Variants in CHD9 observed in about 807,000 individuals in gnomAD.
The protein encoded by CHD9 is ATP-dependent chromatin remodeler CHD9.
Under a neutral mutation model 316.1 loss-of-function variants are expected in CHD9, and 77 were observed. That is an observed-to-expected ratio of 0.24 (90% CI 0.20 to 0.29). CHD9 has a LOEUF of 0.29. Ranked by LOEUF, CHD9 falls within the 10% of genes least tolerant of loss-of-function variation. The pLI is 1.00. For synonymous variants in CHD9, 1,129 were observed against 1,158.3 expected, an observed-to-expected ratio of 0.97 and a Z score of 0.51; for missense variants, 2,763 against 3,438.1, an observed-to-expected ratio of 0.80 and a Z score of 4.91.
chr16:53,093,111 G>A (rs1409647428), intron 1 of CHD9, among the ~76,000 whole-genome samples: 1 of 152,202 alleles, frequency 6.6e-6, no homozygotes, highest in Non-Finnish European at 1.5e-5. Context: ...TTCTTGAAGA[G>A]TGAGAAAGAT....
intron 1 of CHD9, among the ~76,000 whole-genome samples, chr16:53,116,511 G>A (rs759971764): frequency 1.3e-4 from 20 of 152,150 alleles, no homozygotes; most frequent in African/African-American, 3.6e-4. Context: ...AATAATTATT[G>A]ATTATAAGGA....
At chr16:53,136,071 A>G (rs929881880) in intron 1 of CHD9, among the ~76,000 whole-genome samples, 6 of 152,090 alleles carry the variant, frequency 3.9e-5, no homozygotes, top group Admixed American at 6.6e-5. Context: ...TTCTCATTTA[A>G]TGGTGCTTAT....
intron 24 of CHD9, among the ~76,000 whole-genome samples, chr16:53,283,714 T>C (rs1486490418): frequency 6.6e-6 from 1 of 152,244 alleles, no homozygotes; most frequent in Non-Finnish European, 1.5e-5. Context: ...ACTTTTTCCA[T>C]ATTACAAGAA....
chr16:53,297,537 A>C (rs1273010714), intron 30 of CHD9, among the ~76,000 whole-genome samples: 1 of 152,194 alleles, frequency 6.6e-6, no homozygotes, highest in Non-Finnish European at 1.5e-5. Context: ...CAAGGAATGA[A>C]GCCCCCACTC....
intron 1 of CHD9, among the ~76,000 whole-genome samples, chr16:53,094,570 T>C (rs537743802): frequency 1.8e-4 from 27 of 151,998 alleles, no homozygotes; most frequent in Middle Eastern, 3.5e-3. Context: ...CTGCTTTATT[T>C]CCCGTCTCTC....
At position 53,325,894 on chromosome 16, in the gene CHD9, T is replaced by G. The variant is rs1199228211; in HGVS notation, c.*999T>G. 1 of 152,534 alleles carries G rather than the reference T, an allele frequency of 6.6e-6. No homozygotes were observed. Among genetic ancestry groups the G allele is most frequent in the Non-Finnish European group, 1.5e-5 (1 of 67,960 alleles). The allele number at this position is 152,534 out of a possible 1,614,324, so 9.4% of individuals were successfully genotyped here. On this transcript the variant is annotated 3_prime_UTR_variant, in exon 39 of 39. Coordinates refer to ENST00000447540, the MANE Select transcript of CHD9 (RefSeq NM_001308319.2). ...TTATGTCATGGAAATATTCCAGAAT[T>G]AACAGATAATAGTGGTAAAGTAATA...
At chr16:53,300,576 A>C (rs2055293072) in intron 30 of CHD9, among the ~76,000 whole-genome samples, 1 of 152,234 alleles carries the variant, frequency 6.6e-6, no homozygotes, top group South Asian at 2.1e-4. Flanking sequence ...CAGCTTGATT[A>C]ATGCAAAAAT....
At chr16:53,320,586 C>G (rs1236222503) in intron 37 of CHD9, among the ~76,000 whole-genome samples, 1 of 152,030 alleles carries the variant, frequency 6.6e-6, no homozygotes, top group Admixed American at 6.6e-5. Flanking sequence ...TGTATCCTAT[C>G]AAGATATAGT....
chr16:53,074,741 C>T (rs979361468), intron 1 of CHD9, among the ~76,000 whole-genome samples: 2 of 152,210 alleles, frequency 1.3e-5, no homozygotes, highest in African/African-American at 4.8e-5. Flanking sequence ...GAACCTCCGC[C>T]TAGATTTTAG....
intron 1 of CHD9, among the ~76,000 whole-genome samples, chr16:53,107,245 AG>A (rs1386326857): frequency 4.0e-5 from 6 of 151,816 alleles, no homozygotes; most frequent in Non-Finnish European, 8.8e-5. Context: ...GGATCGTCTG[AG>A]GTCAGGAGTT....
chr16:53,128,306 C>T (rs1162844834), intron 1 of CHD9, among the ~76,000 whole-genome samples: 2 of 152,158 alleles, frequency 1.3e-5, no homozygotes. Context: ...CCTCAGCCTC[C>T]CGAGTAGCTG....
In CHD9 at chr16:53,255,595, CT is replaced by C; in HGVS notation, c.4030-3del. On this transcript the variant is annotated splice_region_variant and splice_polypyrimidine_tract_variant and intron_variant, in intron 18 of 38. Transcript: ENST00000447540. ...CTATTTTTATGGAAGTTAATTTCTC[CT>C]TAGATTCAGCAGCTTTCCAAAAAGG... 1 of 1,607,684 alleles carries C rather than the reference CT, an allele frequency of 6.2e-7. No homozygotes were observed. Among genetic ancestry groups the C allele is most frequent in the South Asian group, 1.1e-5 (1 of 90,100 alleles).
chr16:53,318,375 G>T (rs752294097), intron 37 of CHD9, 35 bp downstream of exon 37: 2 of 1,514,176 alleles, frequency 1.3e-6, no homozygotes, highest in South Asian at 1.2e-5. Context: ...CTTTTGTATT[G>T]ATTCAATATT....
intron 32 of CHD9, among the ~76,000 whole-genome samples, chr16:53,307,341 A>G: frequency 6.6e-6 from 1 of 151,664 alleles, no homozygotes; most frequent in East Asian, 1.9e-4. Flanking sequence ...CAATTTTTTA[A>G]TTTTTTGCAG....
intron 1 of CHD9, among the ~76,000 whole-genome samples, chr16:53,133,348 C>T (rs913538814): frequency 6.6e-6 from 1 of 152,096 alleles, no homozygotes; most frequent in South Asian, 2.1e-4. Flanking sequence ...TAATCGGGGG[C>T]GGCTCTTAAT....
At chr16:53,130,183 GC>G in intron 1 of CHD9, among the ~76,000 whole-genome samples, 1 of 152,174 alleles carries the variant, frequency 6.6e-6, no homozygotes, top group East Asian at 1.9e-4. Context: ...TCCGCGGCGG[GC>G]GCCGGCTACT....
intron 36 of CHD9, among the ~76,000 whole-genome samples, chr16:53,317,603 C>A (rs2056979861): frequency 6.6e-6 from 1 of 152,120 alleles, no homozygotes; most frequent in Non-Finnish European, 1.5e-5. Context: ...AGCAGTCCTC[C>A]CATCTCAGCC....
intron 37 of CHD9, chr16:53,321,121 A>C: frequency 1.4e-6 from 1 of 699,682 alleles, no homozygotes; most frequent in Non-Finnish European, 2.2e-6. Context: ...TATCTTTATA[A>C]AACCCTATGA....
chr16:53,101,766 C>G (rs1295928308), intron 1 of CHD9, among the ~76,000 whole-genome samples: 1 of 152,138 alleles, frequency 6.6e-6, no homozygotes, highest in Non-Finnish European at 1.5e-5. Flanking sequence ...CACTTTAGGC[C>G]ACACCATACT....
Sources: allele counts gnomAD v4.1 joint callset (sites outside exome capture counted in the v4.1 genomes callset), GRCh38; gene constraint gnomAD v4.1.1; transcripts MANE v1.5; gene names NCBI Gene and HGNC (gene_info 2026-07-23, HGNC 2026-07-21).